HS3ST5: variants seen among roughly 807,000 people sequenced by gnomAD.
The protein encoded by HS3ST5 is heparan sulfate-glucosamine 3-sulfotransferase 5.
HS3ST5 carries 10 observed loss-of-function variants against 25.4 expected under a neutral mutation model. The ratio of observed to expected loss-of-function variants is 0.39; its 90% CI spans 0.24 to 0.67. The LOEUF is 0.67. Ranked by LOEUF, HS3ST5 falls within the 30% of genes least tolerant of loss-of-function variation. HS3ST5 has a pLI of 0.44. For synonymous variants in HS3ST5, 170 were observed against 162.4 expected (o/e 1.05, Z -0.36); for missense variants, 324 against 420.7 (o/e 0.77, Z 2.01).
chr6:114,180,041 C>T (rs1255793800), intron 2 of HS3ST5, among the ~76,000 whole-genome samples: 4 of 152,056 alleles, frequency 2.6e-5, no homozygotes, highest in African/African-American at 7.2e-5. Context: ...TGCTGGCAGC[C>T]GATCGGATGG....
chr6:114,302,169 T>C (rs898029635), intron 1 of HS3ST5, among the ~76,000 whole-genome samples: 1 of 152,150 alleles, frequency 6.6e-6, no homozygotes, highest in Non-Finnish European at 1.5e-5. Flanking sequence ...ATTTTATGTG[T>C]GATGACCCTA....
At chr6:114,224,266 A>G (rs1782179484) in intron 2 of HS3ST5, among the ~76,000 whole-genome samples, 1 of 151,740 alleles carries the variant, frequency 6.6e-6, no homozygotes, top group East Asian at 1.9e-4. Flanking sequence ...AAATAAGTGT[A>G]TTTTTTATAT....
intron 3 of HS3ST5, among the ~76,000 whole-genome samples, chr6:114,118,697 A>G (rs2114869148): frequency 6.6e-6 from 1 of 152,332 alleles, no homozygotes; most frequent in East Asian, 1.9e-4. Context: ...TCTCTTCACA[A>G]GATGTTTACA....
chr6:114,161,521 TTA>T (rs59921019), intron 3 of HS3ST5, among the ~76,000 whole-genome samples: 605 of 33,100 alleles, frequency 0.018, 7 homozygotes, highest in Non-Finnish European at 0.024. Context: ...TCCTGAAGTT[TTA>T]TATATATATA....
intron 1 of HS3ST5, among the ~76,000 whole-genome samples, chr6:114,256,752 A>G (rs1052951051): frequency 1.3e-5 from 2 of 151,912 alleles, no homozygotes; most frequent in Non-Finnish European, 2.9e-5. Context: ...AACTGTTCCA[A>G]CCTCTGCCTG....
At chr6:114,080,623 T>C (rs752376604) in intron 3 of HS3ST5, among the ~76,000 whole-genome samples, 8 of 152,196 alleles carry the variant, frequency 5.3e-5, no homozygotes, top group Non-Finnish European at 7.3e-5. Flanking sequence ...GAAACCATGT[T>C]CTTTGCAGCA....
chr6:114,149,321 G>A (rs1029472967), intron 3 of HS3ST5, among the ~76,000 whole-genome samples: 1 of 152,112 alleles, frequency 6.6e-6, no homozygotes, highest in Non-Finnish European at 1.5e-5. Flanking sequence ...GCAAAGACTT[G>A]AAACCAACCC....
chr6:114,082,698 A>G (rs1370544131), intron 3 of HS3ST5, among the ~76,000 whole-genome samples: 2 of 152,212 alleles, frequency 1.3e-5, no homozygotes, highest in Admixed American at 6.5e-5. Flanking sequence ...ATATGTCAGT[A>G]TGTTCAATTC....
At chr6:114,341,659 G>T (rs988423220) in intron 1 of HS3ST5, among the ~76,000 whole-genome samples, 1 of 151,604 alleles carries the variant, frequency 6.6e-6, no homozygotes, top group Non-Finnish European at 1.5e-5. Context: ...GGTGTGGGGG[G>T]GGCCAGCTGG....
chr6:114,327,773 G>C (rs1003778967), intron 1 of HS3ST5, among the ~76,000 whole-genome samples: 2 of 151,974 alleles, frequency 1.3e-5, no homozygotes, highest in Non-Finnish European at 2.9e-5. Flanking sequence ...GTCACAATAG[G>C]CTGTTTATAT....
At chr6:114,163,748 A>T (rs1779081930) in intron 3 of HS3ST5, among the ~76,000 whole-genome samples, 1 of 152,204 alleles carries the variant, frequency 6.6e-6, no homozygotes, top group Admixed American at 6.5e-5. Context: ...AATGGTAGCT[A>T]CTATTACTTA....
chr6:114,334,740 T>G (rs1411745646), intron 1 of HS3ST5, among the ~76,000 whole-genome samples: 1 of 152,198 alleles, frequency 6.6e-6, no homozygotes, highest in Admixed American at 6.5e-5. Flanking sequence ...TTTATGATGT[T>G]CACACAATGA....
intron 2 of HS3ST5, among the ~76,000 whole-genome samples, chr6:114,209,609 A>T (rs1300789092): frequency 6.6e-6 from 1 of 152,222 alleles, no homozygotes; most frequent in Non-Finnish European, 1.5e-5. Context: ...GATGAAAATT[A>T]CTTGTAACTG....
At chr6:114,337,914 A>G (rs1776672102) in intron 1 of HS3ST5, among the ~76,000 whole-genome samples, 1 of 152,158 alleles carries the variant, frequency 6.6e-6, no homozygotes, top group Non-Finnish European at 1.5e-5. Flanking sequence ...CCTAAATGGC[A>G]GTAAAAATGA....
chr6:114,091,682 C>CAA (rs528163340), intron 3 of HS3ST5, among the ~76,000 whole-genome samples: 2 of 145,616 alleles, frequency 1.4e-5, no homozygotes, highest in Admixed American at 6.8e-5. Context: ...GACTCCATCT[C>CAA]AAAAAAAAAA....
chr6:114,079,017 T>C (rs1411288042), intron 3 of HS3ST5, among the ~76,000 whole-genome samples: 1 of 152,240 alleles, frequency 6.6e-6, no homozygotes. Context: ...CGTGCCTTAA[T>C]TTTAAAATAT....
intron 1 of HS3ST5, among the ~76,000 whole-genome samples, chr6:114,311,249 T>G (rs765310180): frequency 2.0e-5 from 3 of 151,784 alleles, no homozygotes; most frequent in Non-Finnish European, 4.4e-5. Flanking sequence ...CTTCATTTAC[T>G]AAGATATAGA....
At chr6:114,116,494 C>T (rs1776534964) in intron 3 of HS3ST5, among the ~76,000 whole-genome samples, 1 of 152,086 alleles carries the variant, frequency 6.6e-6, no homozygotes, top group African/African-American at 2.4e-5. Context: ...GTTTTTGAGT[C>T]AGCTGACAAA....
intron 1 of HS3ST5, among the ~76,000 whole-genome samples, chr6:114,293,547 G>A (rs1410957113): frequency 6.6e-6 from 1 of 152,160 alleles, no homozygotes; most frequent in African/African-American, 2.4e-5. Flanking sequence ...AAAATGAGTA[G>A]GAAGTGACAA....
Sources: gnomAD v4.1 joint callset for allele counts (sites outside exome capture counted in the v4.1 genomes callset) on GRCh38, gnomAD v4.1.1 for gene constraint, MANE v1.5 for transcripts, NCBI Gene and HGNC (gene_info 2026-07-23, HGNC 2026-07-21) for gene names.